Variants in GRID1 observed in about 807,000 individuals in gnomAD.
GRID1 encodes the protein glutamate receptor ionotropic, delta-1.
In GRID1, 28 loss-of-function variants were observed where a neutral mutation model predicts 98.0. That is an observed-to-expected ratio of 0.29 (90% CI 0.21 to 0.39). The LOEUF is 0.39. Ranked by LOEUF, GRID1 falls within the 10% of genes least tolerant of loss-of-function variation. The probability of loss-of-function intolerance (pLI) is 1.00; values close to 1 mark genes in which losing one functional copy is unlikely to be tolerated. For synonymous variants in GRID1, 553 were observed against 538.5 expected, an observed-to-expected ratio of 1.03 and a Z score of -0.37; for missense variants, 1,111 against 1,340.5, an observed-to-expected ratio of 0.83 and a Z score of 2.67.
chr10:86,128,628 C>A (rs1844790117), intron 4 of GRID1, among the ~76,000 whole-genome samples: 2 of 152,144 alleles, frequency 1.3e-5, no homozygotes, highest in Admixed American at 1.3e-4. Flanking sequence ...CTGGTAACGG[C>A]CCACCAACCT....
chr10:86,325,902 A>AAAAG (rs1848042984), intron 2 of GRID1, among the ~76,000 whole-genome samples: 2 of 152,260 alleles, frequency 1.3e-5, no homozygotes, highest in African/African-American at 4.8e-5. Context: ...CAGCACCTGA[A>AAAAG]AAAGAAATAT....
chr10:86,136,558 CCT>C (rs1411056475), intron 4 of GRID1, among the ~76,000 whole-genome samples: 1 of 152,204 alleles, frequency 6.6e-6, no homozygotes, highest in Non-Finnish European at 1.5e-5. Context: ...TTTTCCATTT[CCT>C]CTGTCTGCAA....
At chr10:86,283,239 T>C (rs1352645684) in intron 2 of GRID1, among the ~76,000 whole-genome samples, 1 of 152,152 alleles carries the variant, frequency 6.6e-6, no homozygotes, top group Admixed American at 6.5e-5. Flanking sequence ...GTTAGGAGAC[T>C]CTCCTCTGGA....
At position 85,627,634 on chromosome 10, in the gene GRID1, G is replaced by A. The variant is rs559029143; in HGVS notation, c.2194-7601C>T. On this transcript the variant is annotated intron_variant, in intron 13 of 15. Coordinates refer to ENST00000327946, the MANE Select transcript of GRID1 (RefSeq NM_017551.3). ...AGCAAGCCTCACCTTTTGTGATTAC[G>A]GATATCGAGGCTCGGCCTCCTTCCT... Among the ~76,000 whole-genome samples the A allele has an allele frequency of 9.2e-5, 14 of 152,198 alleles. No individual in the cohort carries two copies. In the South Asian group the frequency reaches 2.7e-3, roughly 29 times the overall value.
At chr10:85,884,037 T>C (rs1841076952) in intron 5 of GRID1, among the ~76,000 whole-genome samples, 1 of 152,184 alleles carries the variant, frequency 6.6e-6, no homozygotes, top group Admixed American at 6.5e-5. Flanking sequence ...AGAAAAAATC[T>C]CAGGGTTTTC....
At chr10:86,328,772 C>T (rs1021769840) in intron 2 of GRID1, among the ~76,000 whole-genome samples, 1 of 152,082 alleles carries the variant, frequency 6.6e-6, no homozygotes, top group African/African-American at 2.4e-5. Context: ...CCCGTTCCCC[C>T]CTCCACCCCC....
intron 2 of GRID1, among the ~76,000 whole-genome samples, chr10:86,271,047 C>A (rs1009515902): frequency 6.6e-6 from 1 of 152,132 alleles, no homozygotes; most frequent in African/African-American, 2.4e-5. Context: ...GTGATGGGCA[C>A]AGAGAAAGAC....
rs553330862 is a variant in GRID1 at position 86,110,597 on chromosome 10, G to A, written c.726+28222C>T. Among the ~76,000 whole-genome samples, 6 of 152,262 alleles carry A rather than the reference G, an allele frequency of 3.9e-5. No individual in the cohort carries two copies. In the South Asian group the frequency reaches 1.2e-3, roughly 32 times the overall value. Reference sequence around the variant, plus strand: ...ACTGCCCTCCTTAGGCCATCACTGAGATGGCCATCCCAGGACCAGGCTTAG... The same window carrying A: ...ACTGCCCTCCTTAGGCCATCACTGAAATGGCCATCCCAGGACCAGGCTTAG... On this transcript the variant is annotated intron_variant, in intron 4 of 15. Coordinates refer to ENST00000327946, the MANE Select transcript of GRID1 (RefSeq NM_017551.3).
At chr10:86,336,999 C>T (rs1158984708) in intron 2 of GRID1, among the ~76,000 whole-genome samples, 2 of 151,006 alleles carry the variant, frequency 1.3e-5, no homozygotes, top group Admixed American at 1.3e-4. Flanking sequence ...CGCCCGCCAC[C>T]AGGATGGCTA....
intron 3 of GRID1, among the ~76,000 whole-genome samples, chr10:86,171,565 A>C (rs556462981): frequency 6.6e-6 from 1 of 152,216 alleles, no homozygotes; most frequent in Non-Finnish European, 1.5e-5. Context: ...CATAAGTCCC[A>C]TGGGAAAAGA....
At chr10:85,973,902 A>G (rs1842438950) in intron 4 of GRID1, among the ~76,000 whole-genome samples, 1 of 152,212 alleles carries the variant, frequency 6.6e-6, no homozygotes, top group African/African-American at 2.4e-5. Flanking sequence ...AACTGGCAAC[A>G]TATATTAGTC....
intron 5 of GRID1, among the ~76,000 whole-genome samples, chr10:85,902,761 G>A (rs1841406585): frequency 6.6e-6 from 1 of 152,298 alleles, no homozygotes; most frequent in East Asian, 1.9e-4. Context: ...ATAGAAGTTG[G>A]AGTTCTTGAG....
chr10:85,916,359 A>G lies in GRID1; in HGVS notation c.727-120T>C, dbSNP rs1006426356. 9.7e-6 allele frequency: 8 copies of G among 821,494 alleles called. No homozygotes were observed. Among genetic ancestry groups the G allele is most frequent in the South Asian group, 1.5e-5 (1 of 68,382 alleles). The allele number at this position is 821,494 out of a possible 1,614,324, so 50.9% of individuals were successfully genotyped here. On this transcript the variant is annotated intron_variant, in intron 4 of 15. Coordinates refer to ENST00000327946, the MANE Select transcript of GRID1 (RefSeq NM_017551.3). This position sits in a 1 kb window ranked among gnomAD's most constrained non-coding sequence, Gnocchi z 4.0. ...TTGGAGAATATTTTCCTCACAAAAC[A>G]TGCCATCCCCCTGGGGCCTGCTCTG...
intron 2 of GRID1, among the ~76,000 whole-genome samples, chr10:86,288,854 G>C (rs1360288909): frequency 6.6e-6 from 1 of 152,186 alleles, no homozygotes; most frequent in Admixed American, 6.5e-5. Context: ...CAGGCACCAA[G>C]ACACCCCACA....
chr10:85,890,303 C>T (rs550588343), intron 5 of GRID1, among the ~76,000 whole-genome samples: 47 of 152,124 alleles, frequency 3.1e-4, no homozygotes, highest in African/African-American at 8.4e-4. Context: ...TGAATGTTCT[C>T]ACCACAAGGA....
rs1223095102 is a variant in GRID1 at position 85,600,231 on chromosome 10, G to T, written c.*2042C>A. 1 of 152,312 alleles carries T rather than the reference G, an allele frequency of 6.6e-6. No homozygotes were observed. The highest frequency in any genetic ancestry group is 1.5e-5 in the Non-Finnish European group (1 of 68,034). 9.4% of individuals were successfully genotyped at this position (152,312 alleles called of 1,614,324 possible). On this transcript the variant is annotated 3_prime_UTR_variant, in exon 16 of 16. Coordinates refer to ENST00000327946, the MANE Select transcript of GRID1 (RefSeq NM_017551.3). Reference sequence around the variant, plus strand: ...CCTCGGGGTCATGGTAGCCCACCTAGGCTTCTCTGAGCATGCCTGGCTCCA... The same window carrying T: ...CCTCGGGGTCATGGTAGCCCACCTATGCTTCTCTGAGCATGCCTGGCTCCA...
At chr10:85,834,167 C>A (rs1452807219) in intron 8 of GRID1, among the ~76,000 whole-genome samples, 1 of 152,096 alleles carries the variant, frequency 6.6e-6, no homozygotes, top group Non-Finnish European at 1.5e-5. Flanking sequence ...CAAATAAATC[C>A]ATGTCAAGAC....
chr10:85,901,017 G>C (rs184280502), intron 5 of GRID1, among the ~76,000 whole-genome samples: 261 of 152,226 alleles, frequency 1.7e-3, no homozygotes, highest in African/African-American at 5.7e-3. Context: ...GGATGCATGA[G>C]ACTTCAGGAA....
At position 85,724,611 on chromosome 10, in the gene GRID1, G is replaced by A; in HGVS notation, c.1599C>T (p.Ser533=). The change falls in exon 11 of 16, where the codon AGC becomes AGT. Residue 533 remains serine, a synonymous_variant. Coordinates refer to ENST00000327946, the MANE Select transcript of GRID1 (RefSeq NM_017551.3). ...CCACTGAATAGTCCATGTACCGCTT[G>A]CTGAAGTCCACAACGCTCTCCCTCT... ...TPERESVVDF[S]KRYMDYSVGI... is the part of the protein sequence containing the mutation. The A allele has an allele frequency of 6.2e-7, 1 of 1,613,390 alleles. No homozygotes were observed. The highest frequency in any genetic ancestry group is 8.5e-7 in the Non-Finnish European group (1 of 1,179,986).
Sources: allele counts gnomAD v4.1 joint callset (sites outside exome capture counted in the v4.1 genomes callset), GRCh38; gene constraint gnomAD v4.1.1; non-coding constraint Gnocchi (gnomAD v3.1); transcripts MANE v1.5; gene names NCBI Gene and HGNC (gene_info 2026-07-23, HGNC 2026-07-21).